The following KLHL1 variants were observed in gnomAD, a reference collection of about 807,000 sequenced individuals.
The protein encoded by KLHL1 is kelch-like protein 1.
A neutral mutation model predicts 77.7 loss-of-function variants in KLHL1; 47 were observed. The ratio of observed to expected loss-of-function variants is 0.60; its 90% confidence interval spans 0.48 to 0.77. The LOEUF (loss-of-function observed/expected upper bound fraction) is 0.77, where lower values mean the gene tolerates loss of function less well. Among genes scored for constraint, KLHL1 ranks in the 30% least tolerant of loss-of-function variants. KLHL1 has a pLI of 0.00. For missense variants in KLHL1, 925 were observed against 910.8 expected, an observed-to-expected ratio of 1.02 and a Z score of -0.20; for synonymous variants, 360 against 325.2, an observed-to-expected ratio of 1.11 and a Z score of -1.15.
intron 7 of KLHL1, among the ~76,000 whole-genome samples, chr13:69,758,254 A>T (rs1388340963): frequency 1.3e-5 from 2 of 152,132 alleles, no homozygotes; most frequent in African/African-American, 4.8e-5. Flanking sequence ...TTTTACTTTT[A>T]TATTAGTGTA....
intron 4 of KLHL1, 84 bp from the exon 5 acceptor site, chr13:69,882,579 A>C: frequency 1.2e-6 from 1 of 868,800 alleles, no homozygotes; most frequent in Non-Finnish European, 1.8e-6. Context: ...AAAAGTAGTC[A>C]ATATCCTTTG....
At chr13:69,746,545 T>C (rs1019788774) in intron 7 of KLHL1, among the ~76,000 whole-genome samples, 9 of 152,064 alleles carry the variant, frequency 5.9e-5, no homozygotes, top group Non-Finnish European at 5.9e-5. Context: ...TTATACTCAA[T>C]GTAATAACTG....
At chr13:69,895,058 C>A (rs545321601) in intron 4 of KLHL1, 3 of 492,734 alleles carry the variant, frequency 6.1e-6, no homozygotes, top group Admixed American at 4.5e-5. Flanking sequence ...GTCAGAGTCT[C>A]CTTCAGATCA....
At chr13:69,946,914 G>A (rs748966938) in intron 3 of KLHL1, among the ~76,000 whole-genome samples, 22 of 151,892 alleles carry the variant, frequency 1.4e-4, no homozygotes, top group Non-Finnish European at 2.8e-4. Flanking sequence ...TGTGGGTTTT[G>A]TCATTACTTT....
At chr13:69,964,695 C>T (rs1251208811) in intron 2 of KLHL1, among the ~76,000 whole-genome samples, 1 of 152,112 alleles carries the variant, frequency 6.6e-6, no homozygotes, top group Admixed American at 6.6e-5. Flanking sequence ...GTTTTCCTCT[C>T]TGCTTTACTT....
chr13:69,703,953 G>T (rs970873235), intron 10 of KLHL1, among the ~76,000 whole-genome samples: 1 of 151,586 alleles, frequency 6.6e-6, no homozygotes, highest in African/African-American at 2.4e-5. Context: ...TTTAAGGAAC[G>T]CATGACTGTA....
At chr13:69,962,306 A>C (rs1884090666) in intron 2 of KLHL1, among the ~76,000 whole-genome samples, 1 of 151,990 alleles carries the variant, frequency 6.6e-6, no homozygotes, top group African/African-American at 2.4e-5. Context: ...TCATAGATTC[A>C]TCCTTTATCT....
chr13:70,047,577 AT>A (rs1886533577), intron 1 of KLHL1, among the ~76,000 whole-genome samples: 1 of 152,188 alleles, frequency 6.6e-6, no homozygotes, highest in African/African-American at 2.4e-5. Context: ...CACAGATTTC[AT>A]TGAAAAGATA....
At chr13:70,021,831 TTTTTG>T (rs1442029867) in intron 1 of KLHL1, among the ~76,000 whole-genome samples, 4 of 151,890 alleles carry the variant, frequency 2.6e-5, no homozygotes, top group East Asian at 1.9e-4. Flanking sequence ...AAGAAATTGG[TTTTTG>T]TTTTGTTTTG....
At chr13:69,789,844 A>ATTTGT (rs147253039) in intron 7 of KLHL1, among the ~76,000 whole-genome samples, 3,295 of 152,260 alleles carry the variant, frequency 0.022, 48 homozygotes, top group Non-Finnish European at 0.034. Context: ...TTTGTTTTGT[A>ATTTGT]TTTGTTTTGC....
intron 1 of KLHL1, among the ~76,000 whole-genome samples, chr13:70,097,872 T>C (rs1399895102): frequency 7.3e-6 from 1 of 136,722 alleles, no homozygotes; most frequent in African/African-American, 2.7e-5. Context: ...GGGCCTAGTG[T>C]TTGATTTCCT....
Position 69,961,423 on chromosome 13 carries a change from G to A in KLHL1, c.702C>T (p.Ser234=), listed in dbSNP as rs766173867. ...PAHRLVLSSV[S]DYFAAMFTSD... ...TTGTAAACATGGCCGCAAAATAGTC[G>A]GAGACTGAACTCAGAACAAGCCTGA... Residue 234 remains serine, a synonymous_variant, in exon 3 of 11, where the codon TCC becomes TCT. Coordinates refer to ENST00000377844, the MANE Select transcript of KLHL1 (RefSeq NM_020866.3). 3.4e-5 allele frequency: 55 copies of A among 1,612,684 alleles called. No homozygotes were observed. The highest frequency in any genetic ancestry group is 4.5e-5 in the East Asian group (2 of 44,728).
At chr13:69,950,086 G>A (rs1393307625) in intron 3 of KLHL1, among the ~76,000 whole-genome samples, 2 of 151,602 alleles carry the variant, frequency 1.3e-5, no homozygotes, top group Admixed American at 6.6e-5. Context: ...AGAAAGACAT[G>A]GTTATGTTTT....
intron 4 of KLHL1, among the ~76,000 whole-genome samples, chr13:69,936,011 G>T (rs995459439): frequency 7.1e-6 from 1 of 140,646 alleles, no homozygotes; most frequent in Non-Finnish European, 1.5e-5. Context: ...GAAAGTTTAT[G>T]ATATCACACA....
intron 1 of KLHL1, among the ~76,000 whole-genome samples, chr13:70,020,227 A>G (rs561797544): frequency 8.5e-5 from 13 of 152,288 alleles, no homozygotes; most frequent in South Asian, 2.1e-4. Flanking sequence ...AACAGCATCA[A>G]TACATAAACT....
At chr13:70,027,653 T>TTTTTTTTTTG (rs1555291742) in intron 1 of KLHL1, among the ~76,000 whole-genome samples, 1 of 67,176 alleles carries the variant, frequency 1.5e-5, no homozygotes, top group East Asian at 3.0e-4. Flanking sequence ...ATGTAAGTTG[T>TTTTTTTTTTG]TTTTTTTTTT....
chr13:69,772,282 A>G (rs1251390627), intron 7 of KLHL1, among the ~76,000 whole-genome samples: 1 of 151,996 alleles, frequency 6.6e-6, no homozygotes, highest in Non-Finnish European at 1.5e-5. Context: ...TTATAAATAT[A>G]GTATTTTCTC....
chr13:69,892,305 T>A (rs146053367), intron 4 of KLHL1, among the ~76,000 whole-genome samples: 50 of 152,264 alleles, frequency 3.3e-4, no homozygotes, highest in African/African-American at 1.2e-3. Context: ...AACACACCTA[T>A]GTGTTGAGGT....
At chr13:70,043,759 C>T (rs193281969) in intron 1 of KLHL1, among the ~76,000 whole-genome samples, 27 of 152,300 alleles carry the variant, frequency 1.8e-4, no homozygotes, top group Non-Finnish European at 2.9e-4. Flanking sequence ...TGTACCATCT[C>T]AGTTTATATA....
Sources: gnomAD v4.1 joint callset for allele counts (sites outside exome capture counted in the v4.1 genomes callset) on GRCh38, gnomAD v4.1.1 for gene constraint, MANE v1.5 for transcripts, NCBI Gene and HGNC (gene_info 2026-07-23, HGNC 2026-07-21) for gene names.